Variants in DGKB observed in about 807,000 individuals in gnomAD.
DGKB encodes 90 kDa diacylglycerol kinase.
DGKB carries 67 observed loss-of-function variants against 114.3 expected under a neutral mutation model. That is an observed-to-expected ratio of 0.59 (90% confidence interval 0.48 to 0.72). The LOEUF (loss-of-function observed/expected upper bound fraction) is 0.72, where lower values mean the gene tolerates loss of function less well. DGKB is among the 30% of genes least tolerant of loss of function. The probability of loss-of-function intolerance (pLI) is 0.00; values close to 1 mark genes in which losing one functional copy is unlikely to be tolerated. For synonymous variants in DGKB, 398 were observed against 323.1 expected (o/e 1.23, Z -2.49); for missense variants, 907 against 975.2 (o/e 0.93, Z 0.93).
chr7:14,914,153 G>C lies in DGKB; in HGVS notation c.-188+60543C>G, dbSNP rs145283540. Among the ~76,000 whole-genome samples the C allele has an allele frequency of 8.9e-4, 136 of 152,240 alleles. 2 individuals carry two copies. The highest frequency in any genetic ancestry group is 3.2e-3 in the African/African-American group (134 of 41,560). ...TTATAATGAAGAATTGCTCTCAAGA[G>C]AAATACCTTGCCAGAGCCTTCTCTG... is the stretch of plus-strand genomic sequence containing the variant. On this transcript the variant is annotated intron_variant, in intron 1 of 4. Coordinates refer to the DGKB transcript ENST00000437998.
chr7:14,973,380 T>A (rs533108537), intron 1 of DGKB, among the ~76,000 whole-genome samples: 2 of 151,712 alleles, frequency 1.3e-5, no homozygotes, highest in Admixed American at 6.6e-5. Flanking sequence ...TTAGTTAAAA[T>A]TAATATAATC....
intron 23 of DGKB, among the ~76,000 whole-genome samples, chr7:14,277,262 C>T (rs1404470819): frequency 6.6e-6 from 1 of 152,130 alleles, no homozygotes; most frequent in South Asian, 2.1e-4. Context: ...CCTCCACCTC[C>T]CAGGTTCAAG....
intron 21 of DGKB, among the ~76,000 whole-genome samples, chr7:14,369,154 A>C (rs1184960702): frequency 1.3e-5 from 2 of 151,576 alleles, no homozygotes; most frequent in East Asian, 3.9e-4. Flanking sequence ...CCCAATTATG[A>C]GTGAGAACAT....
chr7:14,892,952 A>ATG lies in DGKB; in HGVS notation c.-188+9638_-188+9639dup, dbSNP rs963871523. 5.0e-5 allele frequency among the ~76,000 whole-genome samples: 7 copies of ATG among 140,230 alleles called. No individual in the cohort carries two copies. The East Asian group carries it at 5.9e-4, about 12-fold the overall frequency. 92.0% of individuals were successfully genotyped at this position (140,230 alleles called of 152,430 possible). On this transcript the variant is annotated intron_variant, in intron 1 of 25. Transcript: ENST00000402815. Reference sequence around the variant, plus strand: ...TCTATGTGTATATATACACACACATATGTGTGTGTATATATACATACATAT... The same window carrying ATG: ...TCTATGTGTATATATACACACACATATGTGTGTGTGTATATATACATACATAT...
At chr7:14,502,718 T>C (rs1443936219) in intron 20 of DGKB, among the ~76,000 whole-genome samples, 2 of 152,130 alleles carry the variant, frequency 1.3e-5, no homozygotes, top group Non-Finnish European at 2.9e-5. Context: ...AAAGTATCTA[T>C]ATGCATAATC....
At chr7:14,178,271 T>C (rs1384262280) in intron 23 of DGKB, 120 bp from the exon 24 acceptor site, 1 of 1,098,574 alleles carries the variant, frequency 9.1e-7, no homozygotes, top group African/African-American at 1.6e-5. Context: ...AAGCTTGTCT[T>C]AGAAACTTAA....
At chr7:14,752,909 A>G (rs763924827) in intron 4 of DGKB, among the ~76,000 whole-genome samples, 1 of 152,180 alleles carries the variant, frequency 6.6e-6, no homozygotes, top group Non-Finnish European at 1.5e-5. Flanking sequence ...AGTGTCATAA[A>G]GCCTATTTAG....
intron 21 of DGKB, among the ~76,000 whole-genome samples, chr7:14,466,097 A>G (rs4719406): frequency 0.37 from 56,526 of 152,030 alleles, 10,920 homozygotes; most frequent in Admixed American, 0.48. Flanking sequence ...TCATAAACAT[A>G]AAAAGGTTAA....
In DGKB at chr7:14,736,229, T is replaced by G. The variant is rs1047503559; in HGVS notation, c.169-35A>C. On this transcript the variant is annotated intron_variant, in intron 4 of 25. Coordinates refer to ENST00000402815, the MANE Select transcript of DGKB (RefSeq NM_001350709.2). ...AAAAATGTAAACATGTATTTTAAGA[T>G]CCAACCAAATGTTAAAATTCTGTGC... The G allele has an allele frequency of 2.2e-6, 3 of 1,357,772 alleles. No individual in the cohort carries two copies. In the African/African-American group the frequency reaches 4.3e-5, roughly 19 times the overall value. The allele number at this position is 1,357,772 out of a possible 1,614,324, so 84.1% of individuals were successfully genotyped here.
chr7:14,555,776 G>A (rs1220019846), intron 20 of DGKB, among the ~76,000 whole-genome samples: 1 of 152,180 alleles, frequency 6.6e-6, no homozygotes, highest in Non-Finnish European at 1.5e-5. Context: ...ATGGTCACAA[G>A]AGTGATCTCT....
At chr7:14,312,092 G>C (rs907739622) in intron 23 of DGKB, among the ~76,000 whole-genome samples, 3 of 151,962 alleles carry the variant, frequency 2.0e-5, no homozygotes, top group Admixed American at 6.6e-5. Flanking sequence ...TTTATTTCCA[G>C]CCATTTCAAA....
chr7:14,208,324 T>A lies in DGKB; in HGVS notation c.2123-30173A>T, dbSNP rs561759778. 1.2e-3 allele frequency among the ~76,000 whole-genome samples: 187 copies of A among 152,148 alleles called. 1 individual carries two copies. The highest frequency in any genetic ancestry group is 3.9e-3 in the African/African-American group (160 of 41,536). On this transcript the variant is annotated intron_variant, in intron 23 of 25. Coordinates refer to ENST00000402815, the MANE Select transcript of DGKB (RefSeq NM_001350709.2). ...ATAGTGGGGACTAGTATTCGGGTTT[T>A]TAAACTGCTGGTGGAAGTGCAGTAT...
upstream of DGKB, among the ~76,000 whole-genome samples, chr7:14,907,731 C>T (rs1351003346): frequency 6.6e-6 from 1 of 152,144 alleles, no homozygotes; most frequent in Non-Finnish European, 1.5e-5. Flanking sequence ...TTCTTAGGGG[C>T]AGCAAGCTTA....
intron 6 of DGKB, among the ~76,000 whole-genome samples, chr7:14,709,954 C>A (rs1395674751): frequency 1.5e-5 from 2 of 135,314 alleles, no homozygotes; most frequent in South Asian, 2.4e-4. Context: ...TACCCTAAAA[C>A]TTAAAGTATA....
intron 21 of DGKB, among the ~76,000 whole-genome samples, chr7:14,392,995 G>GTTTTTTTTTTTTTTTTTTTTTTTTTT (rs1554404748): frequency 8.3e-5 from 5 of 60,542 alleles, no homozygotes; most frequent in African/African-American, 1.9e-4. Flanking sequence ...TTTTGTTTTT[G>GTTTTTTTTTTTTTTTTTTTTTTTTTT]TTTTTTTTTT....
At chr7:14,232,336 C>T (rs1366006603) in intron 23 of DGKB, among the ~76,000 whole-genome samples, 2 of 148,464 alleles carry the variant, frequency 1.3e-5, no homozygotes, top group Non-Finnish European at 3.0e-5. Context: ...CTGCCCTGCT[C>T]GAAATTCCTT....
intron 21 of DGKB, among the ~76,000 whole-genome samples, chr7:14,405,550 T>C (rs1823803741): frequency 6.6e-6 from 1 of 152,198 alleles, no homozygotes; most frequent in South Asian, 2.1e-4. Context: ...TTAAGAAATC[T>C]GTATAATGAA....
chr7:14,643,894 C>A (rs1365347866), intron 13 of DGKB, among the ~76,000 whole-genome samples: 1 of 152,174 alleles, frequency 6.6e-6, no homozygotes, highest in Non-Finnish European at 1.5e-5. Context: ...ACTGACCTCT[C>A]CAATAGTGGG....
intron 21 of DGKB, among the ~76,000 whole-genome samples, chr7:14,383,629 G>A (rs952496570): frequency 3.3e-5 from 5 of 152,122 alleles, no homozygotes; most frequent in Non-Finnish European, 7.4e-5. Flanking sequence ...CAATGTACCA[G>A]GCCAGTAGAA....
Sources: allele counts gnomAD v4.1 joint callset (sites outside exome capture counted in the v4.1 genomes callset), GRCh38; gene constraint gnomAD v4.1.1; transcripts MANE v1.5; gene names NCBI Gene and HGNC (gene_info 2026-07-23, HGNC 2026-07-21).